SLC24A2: variants seen among roughly 807,000 people sequenced by gnomAD.
SLC24A2 encodes the protein sodium/potassium/calcium exchanger 2.
A neutral mutation model predicts 62.0 loss-of-function variants in SLC24A2; 36 were observed. The ratio of observed to expected loss-of-function variants is 0.58; its 90% confidence interval spans 0.44 to 0.77. The LOEUF is 0.77. Ranked by LOEUF, SLC24A2 falls within the 30% of genes least tolerant of loss-of-function variation. SLC24A2 has a pLI of 0.00. For synonymous variants in SLC24A2, 358 were observed against 294.0 expected (o/e 1.22, Z -2.23); for missense variants, 846 against 817.9 (o/e 1.03, Z -0.42).
the SLC24A2 span, among the ~76,000 whole-genome samples, chr9:20,118,143 T>G: frequency 1.3e-5 from 2 of 152,096 alleles, no homozygotes; most frequent in Non-Finnish European, 2.9e-5. Context: ...TTGTGGCTCA[T>G]AGGCGACTTA....
chr9:19,576,908 G>A lies in SLC24A2; in HGVS notation c.1228+16C>T, dbSNP rs773552996. 5 of 1,590,618 alleles carry A rather than the reference G, an allele frequency of 3.1e-6. No homozygotes were observed. Among genetic ancestry groups the A allele is most frequent in the South Asian group, 1.1e-5 (1 of 90,580 alleles). Reference sequence around the variant, plus strand: ...CCCCCAGGAAAGGTATGGGGTGGATGTTTCCCTGCACTCACCCACGTGGTT... The same window carrying A: ...CCCCCAGGAAAGGTATGGGGTGGATATTTCCCTGCACTCACCCACGTGGTT... On this transcript the variant is annotated intron_variant, in intron 6 of 10. Coordinates refer to ENST00000341998, the MANE Select transcript of SLC24A2 (RefSeq NM_020344.4).
the SLC24A2 span, among the ~76,000 whole-genome samples, chr9:19,985,180 A>G: frequency 2.0e-5 from 3 of 152,202 alleles, no homozygotes; most frequent in African/African-American, 7.2e-5. Context: ...ACAGTTTGGC[A>G]GTTTTTTAAA....
the SLC24A2 span, among the ~76,000 whole-genome samples, chr9:19,978,093 A>T: frequency 6.6e-6 from 1 of 152,182 alleles, no homozygotes. Flanking sequence ...ATTTGATTGC[A>T]GAGAACAAGA....
chr9:20,257,405 T>G, the SLC24A2 span, among the ~76,000 whole-genome samples: 2 of 152,300 alleles, frequency 1.3e-5, 1 homozygote, highest in South Asian at 4.2e-4. Context: ...GCCCTTTTTT[T>G]TCTATAGTTG....
chr9:20,236,478 C>T, the SLC24A2 span, among the ~76,000 whole-genome samples: 7 of 152,124 alleles, frequency 4.6e-5, no homozygotes, highest in African/African-American at 1.7e-4. Context: ...TGGCTAGAAG[C>T]TGTGAATCAA....
chr9:19,535,273 T>C (rs1027196406), intron 8 of SLC24A2, among the ~76,000 whole-genome samples: 16 of 152,218 alleles, frequency 1.1e-4, no homozygotes, highest in African/African-American at 3.9e-4. Flanking sequence ...GATGGATAGA[T>C]TGCAAAATTT....
the SLC24A2 span, among the ~76,000 whole-genome samples, chr9:19,995,293 T>A: frequency 6.6e-6 from 1 of 152,220 alleles, no homozygotes; most frequent in East Asian, 1.9e-4. Context: ...CCCTCATGAC[T>A]TCTATTTTAG....
the SLC24A2 span, among the ~76,000 whole-genome samples, chr9:20,181,310 G>A: frequency 6.6e-6 from 1 of 152,038 alleles, no homozygotes; most frequent in East Asian, 1.9e-4. Context: ...ATGTGATGAT[G>A]TATTTTAAAG....
chr9:20,139,893 T>C, the SLC24A2 span, among the ~76,000 whole-genome samples: 1 of 152,306 alleles, frequency 6.6e-6, no homozygotes, highest in South Asian at 2.1e-4. Context: ...ACAGCTTCTA[T>C]CCAGCAGGCC....
chr9:20,004,157 A>G, the SLC24A2 span, among the ~76,000 whole-genome samples: 2 of 152,216 alleles, frequency 1.3e-5, no homozygotes, highest in African/African-American at 2.4e-5. Context: ...ACCAGCTAAC[A>G]AGCACCTAAT....
chr9:20,013,677 A>G, the SLC24A2 span, among the ~76,000 whole-genome samples: 12 of 152,182 alleles, frequency 7.9e-5, no homozygotes, highest in African/African-American at 2.9e-4. Context: ...GTTGAATATC[A>G]TGTGTCTGAC....
the SLC24A2 span, among the ~76,000 whole-genome samples, chr9:20,203,161 C>T: frequency 4.6e-5 from 7 of 151,346 alleles, no homozygotes; most frequent in African/African-American, 1.2e-4. Context: ...TCATGATTTT[C>T]TTTAACAGCT....
At chr9:20,022,528 T>A in the SLC24A2 span, among the ~76,000 whole-genome samples, 1 of 152,160 alleles carries the variant, frequency 6.6e-6, no homozygotes, top group Non-Finnish European at 1.5e-5. Flanking sequence ...GTGTACCCCC[T>A]CCCTGTTGCA....
intron 5 of SLC24A2, among the ~76,000 whole-genome samples, chr9:19,581,135 G>C (rs139588903): frequency 6.2e-4 from 94 of 152,330 alleles, no homozygotes; most frequent in Non-Finnish European, 1.2e-3. Context: ...CCGAGCTGGA[G>C]AATCAGCCAC....
chr9:19,591,135 T>G, intron 5 of SLC24A2, among the ~76,000 whole-genome samples: 1 of 152,198 alleles, frequency 6.6e-6, no homozygotes. Context: ...AGTCCAGTTC[T>G]GTAGCTTTTA....
intron 5 of SLC24A2, among the ~76,000 whole-genome samples, chr9:19,586,318 G>A (rs927641138): frequency 6.6e-6 from 1 of 152,132 alleles, no homozygotes; most frequent in Non-Finnish European, 1.5e-5. Flanking sequence ...TGCCTAGGCT[G>A]GTCCTCACAA....
chr9:19,605,545 G>C (rs1836960005), intron 4 of SLC24A2, among the ~76,000 whole-genome samples: 2 of 152,214 alleles, frequency 1.3e-5, no homozygotes, highest in South Asian at 2.1e-4. Flanking sequence ...TTATCTTATA[G>C]ATAGGTATAC....
chr9:19,926,479 C>T, the SLC24A2 span: 1 of 152,180 alleles, frequency 6.6e-6, no homozygotes, highest in African/African-American at 2.4e-5. Flanking sequence ...CAGTTCTTTG[C>T]AAATGTCATC....
intron 7 of SLC24A2, among the ~76,000 whole-genome samples, chr9:19,563,843 TCCCTCC>T (rs1835537753): frequency 1.3e-5 from 1 of 74,590 alleles, no homozygotes; most frequent in African/African-American, 8.4e-5. Flanking sequence ...CCTCCCTCCC[TCCCTCC>T]CTCCCTCCCT....
Sources: allele counts gnomAD v4.1 joint callset (sites outside exome capture counted in the v4.1 genomes callset), GRCh38; gene constraint gnomAD v4.1.1; transcripts MANE v1.5; gene names NCBI Gene and HGNC (gene_info 2026-07-23, HGNC 2026-07-21).